ZNF398: variants seen among roughly 807,000 people sequenced by gnomAD.
The protein encoded by ZNF398 is zinc finger DNA binding protein ZER6.
Under a neutral mutation model 41.9 loss-of-function variants are expected in ZNF398, and 18 were observed. The ratio of observed to expected loss-of-function variants is 0.43; its 90% CI spans 0.30 to 0.64. ZNF398 has a LOEUF of 0.64. Among genes scored for constraint, ZNF398 ranks in the 30% least tolerant of loss-of-function variants. The pLI is 0.14. For missense variants in ZNF398, 669 were observed against 822.8 expected (o/e 0.81, Z 2.29); for synonymous variants, 260 against 308.8 (o/e 0.84, Z 1.66).
Position 149,137,666 on chromosome 7 carries a change from C to T in ZNF398, c.-490+8722C>T, listed in dbSNP as rs745349635. 1.7e-4 allele frequency among the ~76,000 whole-genome samples: 26 copies of T among 152,168 alleles called. 1 individual carries two copies. Among genetic ancestry groups the T allele is most frequent in the Admixed American group, 1.7e-3 (26 of 15,270 alleles). ...AACTGTTGGGATTACAGGCGTGAGC[C>T]ACTGTGCCTGGCATGTAGATACTTT... On this transcript the variant is annotated intron_variant, in intron 2 of 6. Transcript: ENST00000426851.
At chr7:149,158,890 TA>T (rs1237859032) in intron 2 of ZNF398, among the ~76,000 whole-genome samples, 2 of 151,876 alleles carry the variant, frequency 1.3e-5, no homozygotes, top group Non-Finnish European at 2.9e-5. Flanking sequence ...AAAGGTAAGT[TA>T]AAATTATTGT....
intron 2 of ZNF398, among the ~76,000 whole-genome samples, chr7:149,160,660 A>AG (rs1463247918): frequency 1.3e-5 from 2 of 152,202 alleles, no homozygotes; most frequent in African/African-American, 4.8e-5. Context: ...CTCAATGCTT[A>AG]GGGAAAACCT....
intron 2 of ZNF398, among the ~76,000 whole-genome samples, chr7:149,130,344 C>T (rs1429169058): frequency 6.6e-6 from 1 of 152,226 alleles, no homozygotes; most frequent in African/African-American, 2.4e-5. Flanking sequence ...GATCCGCCTG[C>T]CTTGGCCTCC....
At chr7:149,145,611 A>AC (rs1366426038), upstream of ZNF398, among the ~76,000 whole-genome samples, 2 of 151,970 alleles carry the variant, frequency 1.3e-5, no homozygotes, top group Non-Finnish European at 1.5e-5. Flanking sequence ...CAGTTTGAAG[A>AC]CCCCCCACAG....
chr7:149,167,800 A>C (rs1795256144), intron 4 of ZNF398, among the ~76,000 whole-genome samples: 2 of 151,706 alleles, frequency 1.3e-5, no homozygotes, highest in Non-Finnish European at 2.9e-5. Context: ...TTTAGTAGAG[A>C]TGGGGTTTCA....
At chr7:149,159,089 C>G (rs1385201810) in intron 2 of ZNF398, among the ~76,000 whole-genome samples, 2 of 150,496 alleles carry the variant, frequency 1.3e-5, no homozygotes, top group East Asian at 2.1e-4. Flanking sequence ...AACGATTCTC[C>G]TGCCTCAGCC....
At chr7:149,167,030 T>G (rs1795239468) in intron 4 of ZNF398, 100 bp downstream of exon 4, 2 of 741,848 alleles carry the variant, frequency 2.7e-6, no homozygotes, top group Non-Finnish European at 4.4e-6. Context: ...AGCCATTCAT[T>G]GCTAAAGCAA....
intron 4 of ZNF398, among the ~76,000 whole-genome samples, chr7:149,168,908 G>T (rs1404100565): frequency 1.3e-5 from 2 of 152,082 alleles, no homozygotes; most frequent in Non-Finnish European, 2.9e-5. Flanking sequence ...GTAACACGTT[G>T]CATTTTACTA....
intron 2 of ZNF398, among the ~76,000 whole-genome samples, chr7:149,139,368 T>A (rs952295216): frequency 2.6e-5 from 4 of 152,302 alleles, no homozygotes; most frequent in African/African-American, 9.6e-5. Flanking sequence ...CTATTGTTAC[T>A]GTGTGAATAC....
intron 2 of ZNF398, among the ~76,000 whole-genome samples, chr7:149,131,539 A>G (rs990110555): frequency 1.2e-4 from 19 of 152,032 alleles, no homozygotes; most frequent in Admixed American, 7.9e-4. Context: ...TACAGAAATT[A>G]GCTGGGTGTG....
At chr7:149,159,267 T>C (rs1236134888) in intron 2 of ZNF398, among the ~76,000 whole-genome samples, 1 of 151,962 alleles carries the variant, frequency 6.6e-6, no homozygotes, top group Non-Finnish European at 1.5e-5. Flanking sequence ...CTTAATGAAA[T>C]TAAAATGCAT....
upstream of ZNF398, among the ~76,000 whole-genome samples, chr7:149,142,583 C>T (rs569665392): frequency 4.6e-5 from 7 of 152,326 alleles, no homozygotes; most frequent in South Asian, 4.1e-4. Context: ...AGGAGAATGG[C>T]GTGAAGCCTG....
chr7:149,127,471 C>T (rs961315783), intron 1 of ZNF398, among the ~76,000 whole-genome samples: 4 of 140,818 alleles, frequency 2.8e-5, no homozygotes, highest in Admixed American at 2.4e-4. Flanking sequence ...CTTTGGGAGG[C>T]GGAGGCGGGC....
intron 2 of ZNF398, among the ~76,000 whole-genome samples, chr7:149,158,574 C>G (rs1311984983): frequency 6.6e-6 from 1 of 152,096 alleles, no homozygotes; most frequent in East Asian, 1.9e-4. Context: ...GTATCTCACA[C>G]CTGTAATCCC....
chr7:149,159,397 C>T (rs1033320804), intron 2 of ZNF398, among the ~76,000 whole-genome samples: 16 of 151,878 alleles, frequency 1.1e-4, no homozygotes, highest in Non-Finnish European at 1.9e-4. Flanking sequence ...CCTGTAATCC[C>T]AGTACTTTGG....
intron 2 of ZNF398, among the ~76,000 whole-genome samples, chr7:149,134,917 G>A (rs1230423735): frequency 6.6e-6 from 1 of 152,120 alleles, no homozygotes; most frequent in Non-Finnish European, 1.5e-5. Context: ...TTTTAGTAGA[G>A]AAGGGGTTTC....
At chr7:149,132,805 A>C (rs1346025942) in intron 2 of ZNF398, among the ~76,000 whole-genome samples, 1 of 152,138 alleles carries the variant, frequency 6.6e-6, no homozygotes, top group African/African-American at 2.4e-5. Context: ...GCCATTTTAA[A>C]CACACCTAGT....
chr7:149,138,213 GAAAA>G (rs1287657372), intron 2 of ZNF398, among the ~76,000 whole-genome samples: 1 of 120,348 alleles, frequency 8.3e-6, no homozygotes, highest in Admixed American at 8.4e-5. Flanking sequence ...AAAAAAAAAA[GAAAA>G]AAAAAAAGAA....
At position 149,178,729 on chromosome 7, in the gene ZNF398, C is replaced by T; in HGVS notation, c.857C>T (p.Pro286Leu). 6.2e-7 allele frequency: 1 copy of T among 1,614,176 alleles called. No homozygotes were observed. The highest frequency in any genetic ancestry group is 8.5e-7 in the Non-Finnish European group (1 of 1,180,036). The change falls in exon 6 of 6, where the codon CCA (proline) becomes CTA (leucine). Residue 286 changes from proline (P) to leucine (L), a missense_variant. Physicochemically the swap from Pro to Leu is moderately conservative, Grantham distance 98. Around this residue, in one of 3 missense-constraint regions of ZNF398, gnomAD observed 290 missense variants for 292.9 expected, o/e 0.99. Coordinates refer to ENST00000475153, the MANE Select transcript of ZNF398 (RefSeq NM_170686.3). ...PEVPVPFSSPPAAAKDAFSDV... is the reference protein window; with the variant it reads ...PEVPVPFSSPLAAAKDAFSDV... The stretch of plus-strand genomic sequence containing the variant: ...GTTCCAGTCCCTTTCTCTTCTCCAC[C>T]AGCAGCAGCAAAGGATGCTTTTTCA...
Sources: allele counts gnomAD v4.1 joint callset (sites outside exome capture counted in the v4.1 genomes callset), GRCh38; gene constraint gnomAD v4.1.1; regional missense constraint gnomAD v4.1.1; transcripts MANE v1.5; gene names NCBI Gene and HGNC (gene_info 2026-07-23, HGNC 2026-07-21).